Variants in EDARADD observed in about 807,000 individuals in gnomAD.
EDARADD encodes the protein ectodysplasin-A receptor-associated adapter protein.
A neutral mutation model predicts 25.6 loss-of-function variants in EDARADD; 20 were observed. The ratio of observed to expected loss-of-function variants is 0.78; its 90% CI spans 0.55 to 1.14. The LOEUF is 1.14. Among genes scored for constraint, EDARADD ranks in the 50% most tolerant of loss-of-function variants. EDARADD has a pLI of 0.00. For synonymous variants in EDARADD, 86 were observed against 94.4 expected (o/e 0.91, Z 0.52); for missense variants, 225 against 270.1 (o/e 0.83, Z 1.17).
At chr1:236,435,006 G>T (rs979051903) in intron 4 of EDARADD, among the ~76,000 whole-genome samples, 10 of 152,178 alleles carry the variant, frequency 6.6e-5, no homozygotes, top group Non-Finnish European at 1.5e-4. Flanking sequence ...AGGAGATAAA[G>T]GTGTGTGGAG....
chr1:236,356,226 A>C (rs1179890952), intron 3 of EDARADD, among the ~76,000 whole-genome samples: 2 of 152,112 alleles, frequency 1.3e-5, no homozygotes, highest in African/African-American at 4.8e-5. Context: ...TTCAACCCAG[A>C]GCTCTGACAT....
Position 236,408,605 on chromosome 1 carries a change from C to T in EDARADD, c.62-611C>T, listed in dbSNP as rs553662226. Among the ~76,000 whole-genome samples the T allele has an allele frequency of 1.4e-3, 216 of 152,092 alleles. 2 individuals carry two copies. The highest frequency in any genetic ancestry group is 2.4e-3 in the Non-Finnish European group (160 of 68,006). ...GGAAGTAAGACTTTCAGGCCAGGTG[C>T]GGTGTCTCATGCCTGTAATCCCAGT... On this transcript the variant is annotated intron_variant, in intron 1 of 5. Coordinates refer to ENST00000334232, the MANE Select transcript of EDARADD (RefSeq NM_145861.4).
rs61333307 is a variant in EDARADD, at chr1:236,445,234, C to CTTTTTTTTTTTTTTTTTTTTTTTTTTTTT, written c.219+17795_219+17796insTTTTTTTTTTTTTTTTTTTTTTTTTTTTT. On this transcript the variant is annotated intron_variant, in intron 4 of 5. Transcript: ENST00000334232. ...TGCATTAGCTGGGACATAATAAATT[C>CTTTTTTTTTTTTTTTTTTTTTTTTTTTTT]TTTTTTTTTTTGAGACAGAGTCTTG... 4.5e-5 allele frequency among the ~76,000 whole-genome samples: 4 copies of CTTTTTTTTTTTTTTTTTTTTTTTTTTTTT among 89,698 alleles called. 2 individuals are homozygous for CTTTTTTTTTTTTTTTTTTTTTTTTTTTTT. The highest frequency in any genetic ancestry group is 9.6e-5 in the Non-Finnish European group (4 of 41,736). 58.8% of individuals were successfully genotyped at this position (89,698 alleles called of 152,430 possible).
chr1:236,385,161 C>T (rs558877257), intron 3 of EDARADD, among the ~76,000 whole-genome samples: 1 of 148,568 alleles, frequency 6.7e-6, no homozygotes, highest in Admixed American at 6.8e-5. Context: ...GTAATCTCAG[C>T]ACTTTGGGAG....
intron 3 of EDARADD, among the ~76,000 whole-genome samples, chr1:236,374,435 AT>A (rs1165015985): frequency 6.6e-6 from 1 of 151,840 alleles, no homozygotes; most frequent in East Asian, 1.9e-4. Flanking sequence ...TGCCTGGCTA[AT>A]TTTTTTATTT....
intron 4 of EDARADD, among the ~76,000 whole-genome samples, chr1:236,432,059 G>A (rs1298892078): frequency 1.3e-5 from 2 of 152,044 alleles, no homozygotes; most frequent in African/African-American, 4.8e-5. Context: ...ATACTTTAAG[G>A]AAAACATTTC....
chr1:236,382,374 G>T (rs1270770249), intron 3 of EDARADD, among the ~76,000 whole-genome samples: 1 of 152,094 alleles, frequency 6.6e-6, no homozygotes, highest in African/African-American at 2.4e-5. Context: ...TACTTAGCTT[G>T]TTGAACCCAT....
intron 3 of EDARADD, among the ~76,000 whole-genome samples, chr1:236,383,237 A>G (rs1667321081): frequency 6.6e-6 from 1 of 152,020 alleles, no homozygotes; most frequent in Non-Finnish European, 1.5e-5. Flanking sequence ...TCCACTAAAA[A>G]TATAAAAATT....
chr1:236,478,874 C>T (rs1443606824), intron 5 of EDARADD, among the ~76,000 whole-genome samples: 1 of 152,304 alleles, frequency 6.6e-6, no homozygotes, highest in East Asian at 1.9e-4. Flanking sequence ...GCGTGAGCCA[C>T]CGCGCCCAGC....
In EDARADD at chr1:236,350,357, T is replaced by C. The variant is rs550684170; in HGVS notation, c.-141-347T>C. ...TGGTTTGTAGGGCATATCCCTTAGA[T>C]AGGAATTTGGGCAAGATTAAAACAA... On this transcript the variant is annotated intron_variant, in intron 2 of 7. Transcript: ENST00000439430. Among the ~76,000 whole-genome samples the C allele has an allele frequency of 5.6e-4, 85 of 152,270 alleles. 2 individuals are homozygous for C. In the South Asian group the frequency reaches 0.012, roughly 22 times the overall value.
chr1:236,417,932 C>CT (rs36087031), intron 3 of EDARADD, among the ~76,000 whole-genome samples: 2,752 of 145,696 alleles, frequency 0.019, 83 homozygotes, highest in African/African-American at 0.065. Context: ...GTAAGGTAGA[C>CT]TTTTTTTTTT....
intron 3 of EDARADD, among the ~76,000 whole-genome samples, chr1:236,426,156 G>A (rs1263566464): frequency 1.3e-5 from 2 of 151,784 alleles, no homozygotes; most frequent in Non-Finnish European, 2.9e-5. Context: ...TAATTTTTAA[G>A]TTTTTTGAGA....
At chr1:236,355,730 G>A (rs797008874) in intron 3 of EDARADD, among the ~76,000 whole-genome samples, 15 of 151,590 alleles carry the variant, frequency 9.9e-5, no homozygotes, top group African/African-American at 2.9e-4. Context: ...GGCTGGTCTC[G>A]AACTCCTGAC....
chr1:236,467,665 C>A (rs1457909673), intron 4 of EDARADD, among the ~76,000 whole-genome samples: 2 of 151,548 alleles, frequency 1.3e-5, no homozygotes, highest in Non-Finnish European at 2.9e-5. Flanking sequence ...GATTGACAGA[C>A]AACAAGCCCT....
At chr1:236,389,186 G>T (rs1344278368) in intron 3 of EDARADD, among the ~76,000 whole-genome samples, 1 of 152,160 alleles carries the variant, frequency 6.6e-6, no homozygotes, top group Admixed American at 6.5e-5. Context: ...CATGATCAAG[G>T]CACCAGGAAC....
At chr1:236,410,081 G>A (rs1288573948) in intron 2 of EDARADD, among the ~76,000 whole-genome samples, 1 of 151,988 alleles carries the variant, frequency 6.6e-6, no homozygotes, top group Non-Finnish European at 1.5e-5. Context: ...TCATTTTATG[G>A]TTTTATTATT....
chr1:236,362,031 A>G (rs182928332), intron 3 of EDARADD, among the ~76,000 whole-genome samples: 11 of 152,152 alleles, frequency 7.2e-5, no homozygotes, highest in Admixed American at 5.2e-4. Context: ...CACAAGCAGA[A>G]TAGGAGAGTC....
intron 3 of EDARADD, among the ~76,000 whole-genome samples, chr1:236,357,088 T>TAA (rs138887211): frequency 0.2 from 29,438 of 144,052 alleles, 2,945 homozygotes; most frequent in East Asian, 0.36. Context: ...CTGTCTCAAA[T>TAA]AAAAAATAAA....
intron 5 of EDARADD, among the ~76,000 whole-genome samples, chr1:236,482,025 A>G (rs1659689307): frequency 6.9e-6 from 1 of 144,104 alleles, no homozygotes; most frequent in African/African-American, 2.6e-5. Flanking sequence ...AGGCAGGAGA[A>G]TGGCGTGAAC....
Sources: allele counts gnomAD v4.1 joint callset (sites outside exome capture counted in the v4.1 genomes callset), GRCh38; gene constraint gnomAD v4.1.1; transcripts MANE v1.5; gene names NCBI Gene and HGNC (gene_info 2026-07-23, HGNC 2026-07-21).